PDGFRA: variants seen among roughly 807,000 people sequenced by gnomAD.
PDGFRA encodes the protein platelet derived growth factor receptor alpha, also known as platelet-derived growth factor receptor alpha.
PDGFRA carries 25 observed loss-of-function variants against 121.5 expected under a neutral mutation model. The observed-to-expected ratio is 0.21, with a 90% confidence interval of 0.15 to 0.29. The LOEUF (loss-of-function observed/expected upper bound fraction) is 0.29. PDGFRA is among the 10% of genes least tolerant of loss of function. PDGFRA has a pLI of 1.00. For missense variants in PDGFRA, 1,008 were observed against 1,345.1 expected, an observed-to-expected ratio of 0.75 and a Z score of 3.92; for synonymous variants, 463 against 494.8, an observed-to-expected ratio of 0.94 and a Z score of 0.85.
intron 16 of PDGFRA, among the ~76,000 whole-genome samples, chr4:54,282,787 A>G (rs1032061478): frequency 2.0e-5 from 3 of 152,346 alleles, no homozygotes; most frequent in Middle Eastern, 3.4e-3. Context: ...CCTGTAAAAT[A>G]AAGAACAAGT....
intron 10 of PDGFRA, among the ~76,000 whole-genome samples, chr4:54,274,036 G>GA (rs1266924301): frequency 6.6e-6 from 1 of 152,156 alleles, no homozygotes; most frequent in African/African-American, 2.4e-5. Context: ...CATTTTGCTT[G>GA]TCTAATAATA....
At position 54,236,422 on chromosome 4, in the gene PDGFRA, C is replaced by G. The variant is rs1721012399; in HGVS notation, c.-13+7007C>G. Among the ~76,000 whole-genome samples the G allele has an allele frequency of 2.0e-5, 3 of 152,188 alleles. No homozygotes were observed. The South Asian group carries it at 6.2e-4, about 32-fold the overall frequency. On this transcript the variant is annotated intron_variant, in intron 1 of 22. Transcript: ENST00000257290. ...TAGGTGAGGAAATTCCCCATGTTTC[C>G]CATTTTTCTTCATTACCTCCCTGTG...
chr4:54,236,667 A>T (rs1275709692), intron 1 of PDGFRA, among the ~76,000 whole-genome samples: 1 of 151,964 alleles, frequency 6.6e-6, no homozygotes, highest in Non-Finnish European at 1.5e-5. Flanking sequence ...GCTGGCCATG[A>T]TGGTGGGCAC....
At chr4:54,273,013 T>C (rs980017025) in intron 9 of PDGFRA, among the ~76,000 whole-genome samples, 1 of 152,216 alleles carries the variant, frequency 6.6e-6, no homozygotes, top group African/African-American at 2.4e-5. Flanking sequence ...AGACAGAGAC[T>C]CCTCATCTTA....
At chr4:54,265,186 A>C in intron 5 of PDGFRA, 137 bp downstream of exon 5, 1 of 796,616 alleles carries the variant, frequency 1.3e-6, no homozygotes, top group South Asian at 1.4e-5. Flanking sequence ...TGGGATGAAC[A>C]CATTTGATTA....
At chr4:54,285,269 A>C in intron 16 of PDGFRA, 102 bp from the exon 17 acceptor site, 1 of 735,926 alleles carries the variant, frequency 1.4e-6, no homozygotes, top group Non-Finnish European at 2.5e-6. Context: ...TCTACAAAAA[A>C]ATTAAGAAAA....
In PDGFRA at chr4:54,273,645, C is replaced by T. The variant is rs1423306486; in HGVS notation, c.1473C>T (p.Ala491=). ...CCGTGGAGGGCCGTGTGACTTTCGC[C>T]AAAGTGGAGGAGACCATCGCCGTGC... The part of the protein sequence containing the change: ...RSTVEGRVTF[A]KVEETIAVRC... Residue 491 remains alanine, a synonymous_variant, in exon 10 of 23, where the codon GCC becomes GCT. Transcript: ENST00000257290. 3.1e-6 allele frequency: 5 copies of T among 1,614,032 alleles called. No homozygotes were observed. The highest frequency in any genetic ancestry group is 4.2e-6 in the Non-Finnish European group (5 of 1,180,004).
chr4:54,262,697 T>G (rs753055376), intron 3 of PDGFRA, among the ~76,000 whole-genome samples: 4 of 152,142 alleles, frequency 2.6e-5, no homozygotes, highest in Non-Finnish European at 5.9e-5. Context: ...CCAAAAACTT[T>G]GTTTTGAAAA....
chr4:54,285,883 C>T lies in PDGFRA; in HGVS notation c.2482C>T (p.Gln828Ter). ...GGCTGCTCGCAACGTCCTCCTGGCA[C>T]AAGGAAAAATTGTGAAGATCTGTGA... The part of the protein sequence containing the change: ...DLAARNVLLA[Q>*]GKIVKICDFG... Residue 828 changes from glutamine to a stop codon, truncating the protein, a stop_gained, in exon 18 of 23, where the codon CAA (glutamine) becomes TAA (stop). Coordinates refer to ENST00000257290, the MANE Select transcript of PDGFRA (RefSeq NM_006206.6). LOFTEE classifies it high-confidence loss of function. 6.2e-7 allele frequency: 1 copy of T among 1,614,060 alleles called. No individual in the cohort carries two copies.
intron 16 of PDGFRA, among the ~76,000 whole-genome samples, chr4:54,284,879 CT>C (rs5858264): frequency 0.64 from 64,880 of 101,372 alleles, 23,571 homozygotes; most frequent in Middle Eastern, 0.78. Context: ...TTCTTTCTAT[CT>C]TTTTTTTTTT....
At chr4:54,273,855 C>A in intron 10 of PDGFRA, 125 bp downstream of exon 10, 1 of 759,798 alleles carries the variant, frequency 1.3e-6, no homozygotes, top group Non-Finnish European at 2.3e-6. Context: ...GTTATGAATG[C>A]TCTTAAAGTC....
intron 11 of PDGFRA, 70 bp downstream of exon 11, chr4:54,274,695 G>A: frequency 6.2e-6 from 9 of 1,455,200 alleles, no homozygotes; most frequent in Non-Finnish European, 8.7e-6. Flanking sequence ...CTAGTTCAGT[G>A]CTTGGCACAG....
chr4:54,280,850 T>G (rs1560485867), intron 16 of PDGFRA: 2 of 171,206 alleles, frequency 1.2e-5, no homozygotes, highest in Non-Finnish European at 2.5e-5. Context: ...GATTGATTTT[T>G]TTTAATGCCC....
Position 54,285,740 on chromosome 4 carries a change from G to A in PDGFRA, c.2440-101G>A, listed in dbSNP as rs547136678. On this transcript the variant is annotated intron_variant, in intron 17 of 22. Transcript: ENST00000257290. ...AAGGCCAGCCCTTTATATCCAGGCA[G>A]ACAGCTCCAAGTGCCACCATGGATC... 3.1e-6 allele frequency: 4 copies of A among 1,297,874 alleles called. No homozygotes were observed. The African/African-American group carries it at 4.3e-5, about 14-fold the overall frequency. The allele number at this position is 1,297,874 out of a possible 1,614,324, so 80.4% of individuals were successfully genotyped here. A position where few individuals can be genotyped will look rare whatever the true frequency, so the allele number is the denominator to read the frequency against.
Position 54,280,393 on chromosome 4 carries a change from T to C in PDGFRA, c.2234T>C (p.Met745Thr), listed in dbSNP as rs1368223217. 4.3e-6 allele frequency: 7 copies of C among 1,612,994 alleles called. No individual in the cohort carries two copies. The highest frequency in any genetic ancestry group is 4.2e-6 in the Non-Finnish European group (5 of 1,178,966). ...KQADTTQYVPMLERKEVSKYS... is the reference protein window; with the variant it reads ...KQADTTQYVPTLERKEVSKYS... ...GCTGATACTACACAGTATGTCCCCA[T>C]GCTAGAAAGGAAAGAGGTTTCTAAA... The change falls in exon 16 of 23, where the codon ATG (methionine) becomes ACG (threonine). Residue 745 changes from methionine (M) to threonine (T), a missense_variant. By Grantham distance (81) the Met-to-Thr change is moderately conservative. Transcript: ENST00000257290.
chr4:54,285,429 T>C lies in PDGFRA; in HGVS notation c.2382T>C (p.Asp794=), dbSNP rs1304328143. The change falls in exon 17 of 23, where the codon GAT becomes GAC. Residue 794 remains aspartate (D), a synonymous_variant. Transcript: ENST00000257290. ...ACTCAGAAGGCCTTACTTTATTGGA[T>C]TTGTTGAGCTTCACCTATCAAGTTG... ...DDNSEGLTLL[D]LLSFTYQVAR... 1.3e-6 allele frequency: 2 copies of C among 1,592,050 alleles called. No homozygotes were observed. Among genetic ancestry groups the C allele is most frequent in the Admixed American group, 1.7e-5 (1 of 60,002 alleles).
intron 1 of PDGFRA, among the ~76,000 whole-genome samples, chr4:54,233,519 G>C (rs1392135972): frequency 6.6e-6 from 1 of 152,218 alleles, no homozygotes; most frequent in Non-Finnish European, 1.5e-5. Context: ...CCGGGCGGTC[G>C]GCGCCGCTAT....
Position 54,267,727 on chromosome 4 carries a change from G to A in PDGFRA, c.1107G>A (p.Lys369=). 6.2e-7 allele frequency: 1 copy of A among 1,613,872 alleles called. No homozygotes were observed. The highest frequency in any genetic ancestry group is 8.5e-7 in the Non-Finnish European group (1 of 1,179,852). The change falls in exon 7 of 23, where the codon AAG becomes AAA. Residue 369 remains lysine, a synonymous_variant. Transcript: ENST00000257290. ...NLTEITTDVE[K]IQEIRYRSKL... ...CTGAGATCACCACTGATGTGGAAAAGATTCAGGAAATAAGGTAAAGAAACT... is the reference window on the plus strand; with the variant it reads ...CTGAGATCACCACTGATGTGGAAAAAATTCAGGAAATAAGGTAAAGAAACT...
intron 19 of PDGFRA, 117 bp from the exon 20 acceptor site, chr4:54,288,682 C>A (rs1303162602): frequency 6.7e-6 from 5 of 748,276 alleles, no homozygotes; most frequent in East Asian, 2.6e-5. Context: ...CTTGAAAAAA[C>A]CAGTGCTTCA....
Sources: gnomAD v4.1 joint callset for allele counts (sites outside exome capture counted in the v4.1 genomes callset) on GRCh38, gnomAD v4.1.1 for gene constraint, MANE v1.5 for transcripts, NCBI Gene and HGNC (gene_info 2026-07-23, HGNC 2026-07-21) for gene names.